The following IMMT variants were observed in gnomAD, a reference collection of about 807,000 sequenced individuals.
IMMT encodes MICOS complex subunit MIC60.
Under a neutral mutation model 92.7 loss-of-function variants are expected in IMMT, and 40 were observed. The ratio of observed to expected loss-of-function variants is 0.43; its 90% CI spans 0.34 to 0.56. The LOEUF (loss-of-function observed/expected upper bound fraction) is 0.56. Ranked by LOEUF, IMMT falls within the 20% of genes least tolerant of loss-of-function variation. The probability of loss-of-function intolerance (pLI) is 0.03; values close to 1 mark genes in which losing one functional copy is unlikely to be tolerated. For synonymous variants in IMMT, 322 were observed against 336.1 expected (o/e 0.96, Z 0.46); for missense variants, 831 against 912.1 (o/e 0.91, Z 1.14).
chr2:86,171,676 A>G (rs1030673184), intron 4 of IMMT: 23 of 201,274 alleles, frequency 1.1e-4, no homozygotes, highest in South Asian at 3.3e-4. Flanking sequence ...AAAGAGTAAC[A>G]AAGGAAAAAG....
At chr2:86,180,896 G>GA (rs930722905) in intron 2 of IMMT, among the ~76,000 whole-genome samples, 16 of 149,410 alleles carry the variant, frequency 1.1e-4, no homozygotes, top group Admixed American at 4.0e-4. Flanking sequence ...TTAAAAAAAA[G>GA]AAAAAAAAAT....
intron 1 of IMMT, among the ~76,000 whole-genome samples, chr2:86,191,665 A>C (rs1247786343): frequency 1.5e-5 from 2 of 137,730 alleles, no homozygotes; most frequent in African/African-American, 2.7e-5. Context: ...GCACTTTGGG[A>C]GGCCAAGGTG....
chr2:86,158,559 TCAA>T (rs1676029692), intron 10 of IMMT, 30 bp downstream of exon 10: 2 of 1,466,846 alleles, frequency 1.4e-6, no homozygotes, highest in Non-Finnish European at 9.3e-7. Flanking sequence ...GGTTAAAACA[TCAA>T]AAAAAAAACA....
chr2:86,164,703 A>AAAAAAAAAAAAAG (rs1421109434), intron 7 of IMMT, among the ~76,000 whole-genome samples: 1 of 151,566 alleles, frequency 6.6e-6, no homozygotes, highest in African/African-American at 2.4e-5. Flanking sequence ...AAAAAAAAAA[A>AAAAAAAAAAAAAG]AGGAATGGAT....
At chr2:86,169,987 G>A (rs1676972500) in intron 6 of IMMT, among the ~76,000 whole-genome samples, 2 of 152,314 alleles carry the variant, frequency 1.3e-5, no homozygotes, top group South Asian at 4.1e-4. Flanking sequence ...TGCCCCACCA[G>A]TGTCAGATAA....
chr2:86,171,536 G>A (rs1573921132), intron 4 of IMMT, 191 bp from the exon 5 acceptor site: 5 of 569,330 alleles, frequency 8.8e-6, no homozygotes, highest in Non-Finnish European at 1.3e-5. Context: ...CACACAAAAT[G>A]GACAATGGTT....
At chr2:86,181,212 G>T in intron 2 of IMMT, 87 bp downstream of exon 2, 1 of 967,210 alleles carries the variant, frequency 1.0e-6, no homozygotes, top group Non-Finnish European at 1.6e-6. Context: ...AAAAGGTTTA[G>T]ACAGCTATTC....
intron 1 of IMMT, among the ~76,000 whole-genome samples, chr2:86,183,085 T>G (rs1672541453): frequency 6.6e-6 from 1 of 152,174 alleles, no homozygotes; most frequent in Non-Finnish European, 1.5e-5. Flanking sequence ...GAGAAAATAT[T>G]AAGAGGCCAC....
At chr2:86,150,172 A>C (rs558974720) in intron 12 of IMMT, among the ~76,000 whole-genome samples, 1 of 152,356 alleles carries the variant, frequency 6.6e-6, no homozygotes, top group Admixed American at 6.5e-5. Flanking sequence ...CATGATAAGC[A>C]TGAAATGACT....
chr2:86,179,204 A>G (rs929040631), intron 3 of IMMT, among the ~76,000 whole-genome samples: 1 of 152,248 alleles, frequency 6.6e-6, no homozygotes, highest in Non-Finnish European at 1.5e-5. Context: ...TAGATATTAC[A>G]TCTAATCTAG....
In IMMT at chr2:86,166,526, G is replaced by A. The variant is rs373818106; in HGVS notation, c.774C>T (p.Ala258=). 399 of 1,611,044 alleles carry A rather than the reference G, an allele frequency of 2.5e-4. No individual in the cohort carries two copies. Among genetic ancestry groups the A allele is most frequent in the South Asian group, 4.5e-4 (41 of 90,704 alleles). The change falls in exon 7 of 15, where the codon GCC becomes GCT. Residue 258 remains alanine, a synonymous_variant. Coordinates refer to ENST00000410111, the MANE Select transcript of IMMT (RefSeq NM_006839.3). ...GGCTCACCTCAGAATTGTCCATGGC[G>A]GCTTTCAATATGTTGGAGTGTGCAT... ...AVNAHSNILK[A]AMDNSEIAGE...
Position 86,152,457 on chromosome 2 carries a change from A to AAAAAAAAG in IMMT, c.1178-938_1178-937insCTTTTTTT, listed in dbSNP as rs1242798734. Among the ~76,000 whole-genome samples the AAAAAAAAG allele has an allele frequency of 3.8e-3, 564 of 149,710 alleles. 13 individuals are homozygous for AAAAAAAAG. In the East Asian group the frequency reaches 0.07, roughly 19 times the overall value. ...CTCCATCTCAAAAAAAAAAAAAAAAAAGAGAGAATTATGGCTCCACCGGCC... is the reference window on the plus strand; with the variant it reads ...CTCCATCTCAAAAAAAAAAAAAAAAAAAAAAAAGAGAGAGAATTATGGCTCCACCGGCC... On this transcript the variant is annotated intron_variant, in intron 11 of 14. Transcript: ENST00000410111.
chr2:86,157,457 T>A (rs1240968720), intron 10 of IMMT, among the ~76,000 whole-genome samples: 1 of 152,126 alleles, frequency 6.6e-6, no homozygotes, highest in African/African-American at 2.4e-5. Context: ...GCCTACAACA[T>A]GAGAAGTCTG....
intron 3 of IMMT, among the ~76,000 whole-genome samples, chr2:86,176,856 C>T (rs1270309748): frequency 1.3e-5 from 2 of 152,148 alleles, no homozygotes; most frequent in African/African-American, 4.8e-5. Flanking sequence ...GAACAGCTTC[C>T]AGCTATTTTT....
At chr2:86,164,945 A>C (rs1292018051) in intron 7 of IMMT, among the ~76,000 whole-genome samples, 1 of 152,216 alleles carries the variant, frequency 6.6e-6, no homozygotes, top group Non-Finnish European at 1.5e-5. Flanking sequence ...TTCAGTATAT[A>C]TTAGAAATTA....
intron 4 of IMMT, among the ~76,000 whole-genome samples, chr2:86,172,299 T>C (rs1195099606): frequency 3.3e-5 from 5 of 151,906 alleles, no homozygotes; most frequent in Middle Eastern, 3.4e-3. Flanking sequence ...CAATTATCAA[T>C]CCCCTGGCTC....
At position 86,151,497 on chromosome 2, in the gene IMMT, G is replaced by T; in HGVS notation, c.1201C>A (p.Leu401Met). Reference protein sequence around the residue: ...DLADKLSTDDLNSLIAHAHRR... With the variant: ...DLADKLSTDDMNSLIAHAHRR... ...TGTGCATGAGCAATGAGGGAGTTCA[G>T]ATCATCAGTAGAGAGCTTGTCAGCT... The change falls in exon 12 of 15, where the codon CTG becomes ATG. Residue 401 changes from leucine to methionine, a missense_variant. Transcript: ENST00000410111. 1 of 1,613,818 alleles carries T rather than the reference G, an allele frequency of 6.2e-7. No homozygotes were observed. The highest frequency in any genetic ancestry group is 8.5e-7 in the Non-Finnish European group (1 of 1,179,706).
chr2:86,152,457 A>AAAAAAAAAAAG (rs1242798734), intron 11 of IMMT, among the ~76,000 whole-genome samples: 2 of 149,710 alleles, frequency 1.3e-5, no homozygotes, highest in African/African-American at 2.5e-5. Context: ...AAAAAAAAAA[A>AAAAAAAAAAAG]AGAGAGAATT....
chr2:86,171,862 A>ATTTT (rs10659146), intron 4 of IMMT, among the ~76,000 whole-genome samples: 50,011 of 149,758 alleles, frequency 0.33, 10,106 homozygotes, highest in Non-Finnish European at 0.45. Context: ...ATATATATAT[A>ATTTT]TTTTTTGCAC....
Sources: allele counts gnomAD v4.1 joint callset (sites outside exome capture counted in the v4.1 genomes callset), GRCh38; gene constraint gnomAD v4.1.1; transcripts MANE v1.5; gene names NCBI Gene and HGNC (gene_info 2026-07-23, HGNC 2026-07-21).